The following C19orf47 variants were observed in gnomAD, a reference collection of about 807,000 sequenced individuals.
The protein encoded by C19orf47 is chromosome 19 open reading frame 47.
In C19orf47, 18 loss-of-function variants were observed where a neutral mutation model predicts 32.3. That is an observed-to-expected ratio of 0.56 (90% CI 0.39 to 0.83). The LOEUF is 0.83. C19orf47 is among the 40% of genes least tolerant of loss of function. The pLI is 0.00. For synonymous variants in C19orf47, 202 were observed against 211.1 expected, an observed-to-expected ratio of 0.96 and a Z score of 0.37; for missense variants, 484 against 531.6, an observed-to-expected ratio of 0.91 and a Z score of 0.88.
chr19:40,305,586 C>T, the C19orf47 span, among the ~76,000 whole-genome samples: 23 of 152,102 alleles, frequency 1.5e-4, no homozygotes, highest in Admixed American at 1.5e-3. Flanking sequence ...GAGCAATTTG[C>T]GGGACCATTA....
At chr19:40,347,038 T>C (rs1296402905) in intron 1 of C19orf47, among the ~76,000 whole-genome samples, 1 of 152,134 alleles carries the variant, frequency 6.6e-6, no homozygotes, top group Non-Finnish European at 1.5e-5. Flanking sequence ...GACAACTTAA[T>C]GGGGGTCCAT....
At chr19:40,298,350 T>A in the C19orf47 span, among the ~76,000 whole-genome samples, 1 of 151,602 alleles carries the variant, frequency 6.6e-6, no homozygotes, top group East Asian at 1.9e-4. Flanking sequence ...TAAATAGCTC[T>A]TTAAAACGGT....
Position 40,333,844 on chromosome 19 carries a change from G to A in C19orf47, c.301+7C>T. On this transcript the variant is annotated splice_region_variant and intron_variant, in intron 5 of 8. Transcript: ENST00000683109. ...AAGGAAAAGAGGCCTGAATAGTTAG[G>A]ACTCACCACTGGTGCCACGGCGAAT... 6.4e-7 allele frequency: 1 copy of A among 1,561,612 alleles called. No individual in the cohort carries two copies. Among genetic ancestry groups the A allele is most frequent in the Non-Finnish European group, 8.7e-7 (1 of 1,151,650 alleles).
Position 40,321,626 on chromosome 19 carries a change from A to G in C19orf47, c.*256T>C. Reference sequence around the variant, plus strand: ...GAGAGGTAGAAAAGTGGGTTCTGCCAAGGCCACAGCCAGAGAAGAAAGCAC... The same window carrying G: ...GAGAGGTAGAAAAGTGGGTTCTGCCGAGGCCACAGCCAGAGAAGAAAGCAC... On this transcript the variant is annotated 3_prime_UTR_variant, in exon 9 of 9. Coordinates refer to ENST00000683109, the MANE Select transcript of C19orf47 (RefSeq NM_001256441.2). The G allele has an allele frequency of 7.7e-7, 1 of 1,290,626 alleles. No homozygotes were observed. Among genetic ancestry groups the G allele is most frequent in the Non-Finnish European group, 9.8e-7 (1 of 1,020,222 alleles). 79.9% of individuals were successfully genotyped at this position (1,290,626 alleles called of 1,614,324 possible).
At chr19:40,310,207 T>C in the C19orf47 span, among the ~76,000 whole-genome samples, 3 of 152,018 alleles carry the variant, frequency 2.0e-5, no homozygotes, top group Non-Finnish European at 4.4e-5. Context: ...CTCTGATACA[T>C]GCCTGGTGAC....
chr19:40,337,317 T>TTATTATTAC (rs1324488189), intron 2 of C19orf47, among the ~76,000 whole-genome samples: 95 of 140,772 alleles, frequency 6.7e-4, no homozygotes, highest in Non-Finnish European at 1.3e-3. Flanking sequence ...ATTATTATTA[T>TTATTATTAC]TATTACTATT....
At chr19:40,307,896 C>CAA in the C19orf47 span, among the ~76,000 whole-genome samples, 1 of 151,510 alleles carries the variant, frequency 6.6e-6, no homozygotes, top group Admixed American at 6.6e-5. Flanking sequence ...CTCCCGGGTT[C>CAA]AAGCAATTCT....
the C19orf47 span, among the ~76,000 whole-genome samples, chr19:40,294,864 G>A: frequency 3.9e-5 from 6 of 152,296 alleles, no homozygotes; most frequent in East Asian, 1.9e-4. Context: ...GTCCCAGTCC[G>A]TAGGGCTTTG....
chr19:40,317,876 C>G (rs574577560), downstream of C19orf47, among the ~76,000 whole-genome samples: 62 of 152,162 alleles, frequency 4.1e-4, no homozygotes, highest in South Asian at 1.7e-3. Flanking sequence ...TGCACCAACA[C>G]ACCGGCCAAT....
chr19:40,333,825 A>C, intron 5 of C19orf47, 26 bp downstream of exon 5: 1 of 1,515,462 alleles, frequency 6.6e-7, no homozygotes. Flanking sequence ...AATCAAGGAA[A>C]AGAGGCCTGA....
At chr19:40,327,567 T>C (rs1180685162) in intron 6 of C19orf47, among the ~76,000 whole-genome samples, 2 of 151,962 alleles carry the variant, frequency 1.3e-5, no homozygotes, top group African/African-American at 2.4e-5. Context: ...CGGGGCGTGA[T>C]AGGAGTGGGT....
At chr19:40,348,050 CTAATAA>C (rs939898905) in intron 1 of C19orf47, among the ~76,000 whole-genome samples, 2 of 152,146 alleles carry the variant, frequency 1.3e-5, no homozygotes, top group Admixed American at 6.5e-5. Context: ...AACATCAATA[CTAATAA>C]TAATAGTATA....
In C19orf47 at chr19:40,348,311, G is replaced by T. The variant is rs2078371592; in HGVS notation, c.-34+13C>A. On this transcript the variant is annotated intron_variant, in intron 1 of 8. Transcript: ENST00000683109. ...AACCGGCCCAGTCCCACCACCCCCG[G>T]CCCGCGCCTCACCTGGCCCACCGGG... 7.5e-7 allele frequency: 1 copy of T among 1,336,776 alleles called. No homozygotes were observed. The allele number at this position is 1,336,776 out of a possible 1,614,324, so 82.8% of individuals were successfully genotyped here. A position where few individuals can be genotyped will look rare whatever the true frequency, so the allele number is the denominator to read the frequency against.
At chr19:40,305,411 A>G in the C19orf47 span, among the ~76,000 whole-genome samples, 4 of 152,162 alleles carry the variant, frequency 2.6e-5, no homozygotes, top group African/African-American at 7.2e-5. Flanking sequence ...TTACTAAGAA[A>G]AACTGAAATA....
chr19:40,299,959 G>A, the C19orf47 span, among the ~76,000 whole-genome samples: 34 of 152,114 alleles, frequency 2.2e-4, no homozygotes, highest in African/African-American at 6.0e-4. Flanking sequence ...AACCCAGGGG[G>A]CGGAGGTTGC....
chr19:40,298,301 CAAAAAAAA>C, the C19orf47 span, among the ~76,000 whole-genome samples: 1 of 71,066 alleles, frequency 1.4e-5, no homozygotes, highest in Non-Finnish European at 3.1e-5. Flanking sequence ...AACATTGTCT[CAAAAAAAA>C]AAAAAAAAAA....
Position 40,348,090 on chromosome 19 carries a change from A to T in C19orf47, c.-34+234T>A, listed in dbSNP as rs375524715. Among the ~76,000 whole-genome samples, 137 of 152,296 alleles carry T rather than the reference A, an allele frequency of 9.0e-4. 1 individual carries two copies. The South Asian group carries it at 0.012, about 14-fold the overall frequency. ...TAGTAACGAAGTGAGCGTTATGCGG[A>T]GGCGCTGAGCTAAGGCATCCAACGT... On this transcript the variant is annotated intron_variant, in intron 1 of 8. Coordinates refer to ENST00000683109, the MANE Select transcript of C19orf47 (RefSeq NM_001256441.2).
At chr19:40,294,120 C>CA in the C19orf47 span, among the ~76,000 whole-genome samples, 2 of 151,296 alleles carry the variant, frequency 1.3e-5, no homozygotes, top group South Asian at 2.1e-4. Context: ...AATCCGTCTC[C>CA]AAAAAAAACG....
chr19:40,331,676 T>C (rs2077957017), intron 5 of C19orf47, among the ~76,000 whole-genome samples: 1 of 151,698 alleles, frequency 6.6e-6, no homozygotes, highest in Admixed American at 6.6e-5. Context: ...TAAAGCACAG[T>C]TTTGGGCGGC....
Sources: allele counts gnomAD v4.1 joint callset (sites outside exome capture counted in the v4.1 genomes callset), GRCh38; gene constraint gnomAD v4.1.1; transcripts MANE v1.5; gene names NCBI Gene and HGNC (gene_info 2026-07-23, HGNC 2026-07-21).